The following ATP2C2 variants were observed in gnomAD, a reference collection of about 807,000 sequenced individuals.
The protein encoded by ATP2C2 is calcium-transporting ATPase type 2C member 2.
A neutral mutation model predicts 110.8 loss-of-function variants in ATP2C2; 171 were observed. The observed-to-expected ratio is 1.54, with a 90% CI of 1.36 to 1.75. ATP2C2 has a LOEUF of 1.75. Ranked by LOEUF, ATP2C2 falls within the 40% of genes most tolerant of loss-of-function variation. The pLI is 0.00. For synonymous variants in ATP2C2, 804 were observed against 508.4 expected (o/e 1.58, Z -7.82); for missense variants, 1,963 against 1,235.0 (o/e 1.59, Z -8.84).
At chr16:84,440,517 G>GGT (rs1909147244) in intron 13 of ATP2C2, among the ~76,000 whole-genome samples, 1 of 152,222 alleles carries the variant, frequency 6.6e-6, no homozygotes, top group African/African-American at 2.4e-5. Context: ...CCACGACAAA[G>GGT]GTGGTATGGG....
intron 1 of ATP2C2, among the ~76,000 whole-genome samples, chr16:84,384,130 C>A (rs575509207): frequency 1.4e-4 from 22 of 151,820 alleles, no homozygotes; most frequent in African/African-American, 4.8e-4. Context: ...ACAACAGAGT[C>A]CAAAAATCAG....
At position 84,384,702 on chromosome 16, in the gene ATP2C2, T is replaced by G. The variant is rs571890624; in HGVS notation, c.100-13797T>G. Among the ~76,000 whole-genome samples the G allele has an allele frequency of 9.8e-5, 15 of 152,362 alleles. No individual in the cohort carries two copies. In the South Asian group the frequency reaches 1.7e-3, roughly 17 times the overall value. The stretch of plus-strand genomic sequence containing the variant: ...AATGGATTACTATCACAACGTTTGC[T>G]GAATGGTGATTTTCTAATTCCATCT... On this transcript the variant is annotated intron_variant, in intron 1 of 26. Transcript: ENST00000262429.
At chr16:84,411,426 A>G (rs1906276820) in intron 6 of ATP2C2, among the ~76,000 whole-genome samples, 5 of 152,116 alleles carry the variant, frequency 3.3e-5, no homozygotes, top group Admixed American at 3.3e-4. Context: ...CCTGTCCAAT[A>G]TGGCATCTGA....
chr16:84,461,886 C>T lies in ATP2C2; in HGVS notation c.2580+74C>T, dbSNP rs1199141114. 6.2e-6 allele frequency: 10 copies of T among 1,607,688 alleles called. No individual in the cohort carries two copies. The Admixed American group carries it at 6.7e-5, about 11-fold the overall frequency. ...GACAGCAGCGCCCCGACCCTGCCCG[C>T]AGCATTGAGCGGCTCTGGCTCAGCG... On this transcript the variant is annotated intron_variant, in intron 25 of 26. Coordinates refer to ENST00000262429, the MANE Select transcript of ATP2C2 (RefSeq NM_014861.4).
chr16:84,402,728 A>G (rs1394064568), intron 2 of ATP2C2, among the ~76,000 whole-genome samples: 1 of 152,190 alleles, frequency 6.6e-6, no homozygotes, highest in Non-Finnish European at 1.5e-5. Flanking sequence ...ATCAATAGTC[A>G]TCAGTGATAT....
chr16:84,459,698 G>C (rs891113140), intron 23 of ATP2C2: 4 of 1,058,984 alleles, frequency 3.8e-6, no homozygotes, highest in Admixed American at 2.3e-5. Context: ...CCTTCAGGAA[G>C]TCTTCCCTGA....
At chr16:84,438,347 C>T (rs903514356) in intron 11 of ATP2C2, among the ~76,000 whole-genome samples, 1 of 152,208 alleles carries the variant, frequency 6.6e-6, no homozygotes, top group South Asian at 2.1e-4. Context: ...TCATACCTTT[C>T]CACCACTTCA....
intron 6 of ATP2C2, among the ~76,000 whole-genome samples, chr16:84,414,057 G>C (rs1012862351): frequency 2.0e-5 from 3 of 152,194 alleles, no homozygotes; most frequent in Non-Finnish European, 4.4e-5. Flanking sequence ...ATGTAATAGT[G>C]ACTGGTAGAA....
chr16:84,425,794 G>A lies in ATP2C2; in HGVS notation c.979G>A (p.Gly327Arg), dbSNP rs200143283. The A allele has an allele frequency of 2.0e-4, 327 of 1,613,954 alleles. 1 individual carries two copies. The highest frequency in any genetic ancestry group is 1.4e-4 in the Non-Finnish European group (170 of 1,180,032). Residue 327 changes from glycine to arginine, a missense_variant, in exon 11 of 27, where the codon GGG (glycine) becomes AGG (arginine). Coordinates refer to ENST00000262429, the MANE Select transcript of ATP2C2 (RefSeq NM_014861.4). The part of the protein sequence containing the change: ...GKQLLSMFTI[G>R]VSLAVAAIPE... The stretch of plus-strand genomic sequence containing the variant: ...ACAACTCCTGAGTATGTTCACGATC[G>A]GGGTCAGGTAAGAGTGCTATGGCCG...
intron 1 of ATP2C2, among the ~76,000 whole-genome samples, chr16:84,388,376 G>A (rs1904442407): frequency 6.6e-6 from 1 of 152,168 alleles, no homozygotes; most frequent in Non-Finnish European, 1.5e-5. Flanking sequence ...ATCAGTCAGA[G>A]TCCTCTACAG....
intron 1 of ATP2C2, among the ~76,000 whole-genome samples, chr16:84,382,340 A>G (rs1279015491): frequency 2.6e-5 from 4 of 152,182 alleles, no homozygotes; most frequent in Admixed American, 2.6e-4. Context: ...GCTGCGTAGT[A>G]TTCCATGGTG....
chr16:84,462,066 C>A lies in ATP2C2; in HGVS notation c.2659C>A (p.Leu887Met), dbSNP rs770850462. ...YSVLGSILGQLAVIYIPPLQR... is the reference protein window; with the variant it reads ...YSVLGSILGQMAVIYIPPLQR... ...CGTCCTGGGGTCCATCCTGGGGCAG[C>A]TGGCGGTCATTTACATCCCCCCGCT... Residue 887 changes from leucine (L) to methionine (M), a missense_variant, in exon 26 of 27, where the codon CTG becomes ATG. Transcript: ENST00000262429. 1.2e-6 allele frequency: 2 copies of A among 1,613,948 alleles called. No homozygotes were observed. Among genetic ancestry groups the A allele is most frequent in the Non-Finnish European group, 1.7e-6 (2 of 1,179,974 alleles).
At chr16:84,437,374 A>G (rs1425728650) in intron 11 of ATP2C2, among the ~76,000 whole-genome samples, 1 of 151,400 alleles carries the variant, frequency 6.6e-6, no homozygotes, top group Non-Finnish European at 1.5e-5. Flanking sequence ...ATATATACAT[A>G]TGTATATATA....
chr16:84,424,707 G>T (rs1039225388), intron 10 of ATP2C2, among the ~76,000 whole-genome samples: 3 of 151,964 alleles, frequency 2.0e-5, no homozygotes, highest in Admixed American at 2.0e-4. Flanking sequence ...ATGCTGGTCA[G>T]CGCTTCTAGA....
intron 9 of ATP2C2, among the ~76,000 whole-genome samples, 178 bp from the exon 10 acceptor site, chr16:84,423,010 C>A (rs541138041): frequency 6.6e-6 from 1 of 152,210 alleles, no homozygotes; most frequent in Admixed American, 6.5e-5. Flanking sequence ...GATAAAGATA[C>A]AGCTTTCAGA....
In ATP2C2 at chr16:84,460,864, C is replaced by T. The variant is rs1008013927; in HGVS notation, c.2481+63C>T. ...GGTGCGGTGCAGACGCTGGGGACTG[C>T]AGTCCCTGCCCTCCTGCCACAGCTC... On this transcript the variant is annotated intron_variant, in intron 24 of 26. Coordinates refer to ENST00000262429, the MANE Select transcript of ATP2C2 (RefSeq NM_014861.4). 7.2e-6 allele frequency: 11 copies of T among 1,529,340 alleles called. No homozygotes were observed. The African/African-American group carries it at 9.6e-5, about 13-fold the overall frequency. The allele number at this position is 1,529,340 out of a possible 1,614,324, so 94.7% of individuals were successfully genotyped here.
In ATP2C2 at chr16:84,460,704, G is replaced by A. The variant is rs201592911; in HGVS notation, c.2384G>A (p.Ser795Asn). 1.2e-6 allele frequency: 2 copies of A among 1,614,232 alleles called. No individual in the cohort carries two copies. Among genetic ancestry groups the A allele is most frequent in the Non-Finnish European group, 8.5e-7 (1 of 1,180,046 alleles). Residue 795 changes from serine (S) to asparagine (N), a missense_variant, in exon 24 of 27, where the codon AGT becomes AAT. By Grantham distance (46) the Ser-to-Asn change is conservative. Coordinates refer to ENST00000262429, the MANE Select transcript of ATP2C2 (RefSeq NM_014861.4). ...GACGCCTTCAGGCAGCCACCACGGA[G>A]TGTGCGGGACACCATCCTCAGCAGA... ...DKDAFRQPPRSVRDTILSRAL... is the reference protein window; with the variant it reads ...DKDAFRQPPRNVRDTILSRAL...
rs528209095 is a variant in ATP2C2 at position 84,463,821 on chromosome 16, T to C, written c.*89T>C. ...GTGTCTCCTCGTCAGGGGAGACTTT[T>C]AGGAGGCCGCAGCCTTCCATCACCG... On this transcript the variant is annotated 3_prime_UTR_variant, in exon 27 of 27. Transcript: ENST00000262429. 1.0e-4 allele frequency: 123 copies of C among 1,180,626 alleles called. No homozygotes were observed. The Middle Eastern group carries it at 4.4e-3, about 42-fold the overall frequency. The allele number at this position is 1,180,626 out of a possible 1,614,324, so 73.1% of individuals were successfully genotyped here.
At chr16:84,378,065 A>G (rs1910352956) in intron 1 of ATP2C2, among the ~76,000 whole-genome samples, 1 of 152,214 alleles carries the variant, frequency 6.6e-6, no homozygotes, top group South Asian at 2.1e-4. Context: ...AGAGGGGCCC[A>G]AGATCTGCGA....
Sources: gnomAD v4.1 joint callset for allele counts (sites outside exome capture counted in the v4.1 genomes callset) on GRCh38, gnomAD v4.1.1 for gene constraint, MANE v1.5 for transcripts, NCBI Gene and HGNC (gene_info 2026-07-23, HGNC 2026-07-21) for gene names.